The following DLG5 variants were observed in gnomAD, a reference collection of about 807,000 sequenced individuals.
DLG5 encodes disks large homolog 5.
Under a neutral mutation model 189.8 loss-of-function variants are expected in DLG5, and 48 were observed. The observed-to-expected ratio is 0.25, with a 90% confidence interval of 0.20 to 0.32. The LOEUF (loss-of-function observed/expected upper bound fraction) is 0.32. DLG5 is among the 10% of genes least tolerant of loss of function. The probability of loss-of-function intolerance (pLI) is 1.00; values close to 1 mark genes in which losing one functional copy is unlikely to be tolerated. For synonymous variants in DLG5, 1,016 were observed against 1,054.1 expected, an observed-to-expected ratio of 0.96 and a Z score of 0.70; for missense variants, 2,160 against 2,544.7, an observed-to-expected ratio of 0.85 and a Z score of 3.25.
At chr10:77,814,153 T>G (rs1229675068) in intron 20 of DLG5, among the ~76,000 whole-genome samples, 1 of 151,998 alleles carries the variant, frequency 6.6e-6, no homozygotes, top group African/African-American at 2.4e-5. Flanking sequence ...AATTTTTGTA[T>G]TTTTAGTAGA....
chr10:77,794,199 C>A, intron 30 of DLG5, 82 bp from the exon 31 acceptor site: 2 of 1,296,818 alleles, frequency 1.5e-6, no homozygotes, highest in South Asian at 1.2e-5. Flanking sequence ...CTAACAGGGG[C>A]CCCATCAAGG....
chr10:77,856,648 G>A, intron 3 of DLG5, 82 bp downstream of exon 3: 1 of 1,545,964 alleles, frequency 6.5e-7, no homozygotes, highest in East Asian at 2.3e-5. Flanking sequence ...AGGAGCCAGG[G>A]GTGTTTGGGG....
intron 13 of DLG5, among the ~76,000 whole-genome samples, chr10:77,826,696 C>G (rs1842654574): frequency 6.6e-6 from 1 of 151,948 alleles, no homozygotes; most frequent in African/African-American, 2.4e-5. Flanking sequence ...ATCTGTAATC[C>G]CAGCACTTTG....
chr10:77,849,707 C>A (rs950354885), intron 5 of DLG5, among the ~76,000 whole-genome samples: 2 of 152,220 alleles, frequency 1.3e-5, no homozygotes, highest in African/African-American at 2.4e-5. Flanking sequence ...AGAAGACCCT[C>A]CCCTGTGAGG....
intron 1 of DLG5, among the ~76,000 whole-genome samples, chr10:77,905,490 CCTAG>C (rs1471207774): frequency 6.6e-6 from 1 of 152,198 alleles, no homozygotes; most frequent in South Asian, 2.1e-4. Context: ...TCCACAATCA[CCTAG>C]CTAATCATCC....
chr10:77,819,972 T>C lies in DLG5; in HGVS notation c.3449A>G (p.Gln1150Arg), dbSNP rs939296061. The C allele has an allele frequency of 1.9e-6, 3 of 1,613,194 alleles. No individual in the cohort carries two copies. In the Admixed American group the frequency reaches 5.0e-5, roughly 27 times the overall value. Residue 1150 changes from glutamine to arginine, a missense_variant, in exon 16 of 32, where the codon CAG becomes CGG. By Grantham distance (43) the Gln-to-Arg change is conservative (BLOSUM62 1). Transcript: ENST00000372391. The part of the protein sequence containing the change: ...PASGELSPEL[Q>R]EWAPYSPGHS... ...CCCAGGCGAGTAAGGTGCCCACTCC[T>C]GGAGCTCCGGGGAGAGTTCTCCACT...
intron 3 of DLG5, among the ~76,000 whole-genome samples, chr10:77,854,811 C>A (rs1448323106): frequency 6.6e-6 from 1 of 151,876 alleles, no homozygotes; most frequent in African/African-American, 2.4e-5. Context: ...CATGGTGAAA[C>A]CCCGCCTCCA....
At chr10:77,867,859 A>T in intron 2 of DLG5, 1 of 446,862 alleles carries the variant, frequency 2.2e-6, no homozygotes, top group Non-Finnish European at 4.5e-6. Flanking sequence ...GATCAATTTA[A>T]GATGAGGTCT....
the DLG5 span, among the ~76,000 whole-genome samples, chr10:77,939,017 C>T: frequency 6.6e-6 from 1 of 152,128 alleles, no homozygotes; most frequent in Non-Finnish European, 1.5e-5. Flanking sequence ...ACCGTCTCTA[C>T]TAAAAATACA....
the DLG5 span, among the ~76,000 whole-genome samples, chr10:77,939,281 G>A: frequency 6.6e-6 from 1 of 152,142 alleles, no homozygotes; most frequent in Non-Finnish European, 1.5e-5. Flanking sequence ...CAGTGGCCCT[G>A]CCTGCCCTGC....
chr10:77,802,440 G>A (rs1370588530), intron 27 of DLG5, among the ~76,000 whole-genome samples: 5 of 152,190 alleles, frequency 3.3e-5, no homozygotes, highest in African/African-American at 1.2e-4. Context: ...AAACATTTCT[G>A]CAAGTTGTTC....
Position 77,891,000 on chromosome 10 carries a change from G to C in DLG5, c.305-21803C>G, listed in dbSNP as rs1186856726. On this transcript the variant is annotated intron_variant, in intron 1 of 31. Coordinates refer to ENST00000372391, the MANE Select transcript of DLG5 (RefSeq NM_004747.4). ...GCTTATCACACCCAGCCCATTCCCAGGTGTTCCCATTCAGTTTTCTGATTC... is the reference window on the plus strand; with the variant it reads ...GCTTATCACACCCAGCCCATTCCCACGTGTTCCCATTCAGTTTTCTGATTC... Among the ~76,000 whole-genome samples the C allele has an allele frequency of 2.0e-5, 3 of 152,144 alleles. No homozygotes were observed. The East Asian group carries it at 5.8e-4, about 29-fold the overall frequency.
At chr10:77,899,575 T>G (rs925155460) in intron 1 of DLG5, among the ~76,000 whole-genome samples, 5 of 152,200 alleles carry the variant, frequency 3.3e-5, no homozygotes, top group Non-Finnish European at 4.4e-5. Flanking sequence ...AAATGCTTTC[T>G]ATGGCTACAC....
At chr10:77,816,472 C>G in intron 20 of DLG5, 79 bp downstream of exon 20, 1 of 1,601,416 alleles carries the variant, frequency 6.2e-7, no homozygotes, top group Non-Finnish European at 8.5e-7. Flanking sequence ...AAGCCCCTTC[C>G]CTGCAGAGCC....
chr10:77,795,157 G>A (rs554391394), intron 29 of DLG5, among the ~76,000 whole-genome samples, 199 bp from the exon 30 acceptor site: 2 of 152,300 alleles, frequency 1.3e-5, no homozygotes, highest in East Asian at 3.9e-4. Context: ...GCCAAGGCTG[G>A]GAGCCAGGGC....
intron 1 of DLG5, among the ~76,000 whole-genome samples, chr10:77,912,096 G>A (rs1163204981): frequency 6.6e-6 from 1 of 150,866 alleles, no homozygotes; most frequent in Non-Finnish European, 1.5e-5. Context: ...AGCTACTCAG[G>A]GAGGCTGAGG....
At chr10:77,871,906 T>C (rs1844917677) in intron 1 of DLG5, among the ~76,000 whole-genome samples, 1 of 152,156 alleles carries the variant, frequency 6.6e-6, no homozygotes, top group African/African-American at 2.4e-5. Context: ...GTTGCTTCAA[T>C]ATCTGTGAAA....
At chr10:77,914,651 T>C (rs1846312832) in intron 1 of DLG5, among the ~76,000 whole-genome samples, 2 of 151,952 alleles carry the variant, frequency 1.3e-5, no homozygotes, top group Non-Finnish European at 2.9e-5. Flanking sequence ...GGGTCATTCA[T>C]CCATGTCCTT....
chr10:77,908,513 C>A (rs1846129772), intron 1 of DLG5, among the ~76,000 whole-genome samples: 2 of 152,190 alleles, frequency 1.3e-5, no homozygotes, highest in African/African-American at 4.8e-5. Context: ...GGCCTGGCCT[C>A]ATTTTTCCAG....
Sources: allele counts gnomAD v4.1 joint callset (sites outside exome capture counted in the v4.1 genomes callset), GRCh38; gene constraint gnomAD v4.1.1; transcripts MANE v1.5; gene names NCBI Gene and HGNC (gene_info 2026-07-23, HGNC 2026-07-21).